Variants in DENND1A observed in about 807,000 individuals in gnomAD.
DENND1A encodes DENN domain-containing protein 1A.
DENND1A carries 51 observed loss-of-function variants against 113.7 expected under a neutral mutation model. The observed-to-expected ratio is 0.45, with a 90% CI of 0.36 to 0.57. The LOEUF (loss-of-function observed/expected upper bound fraction) is 0.57, where lower values mean the gene tolerates loss of function less well. Ranked by LOEUF, DENND1A falls within the 20% of genes least tolerant of loss-of-function variation. DENND1A has a pLI of 0.00. For synonymous variants in DENND1A, 565 were observed against 570.8 expected, an observed-to-expected ratio of 0.99 and a Z score of 0.14; for missense variants, 1,258 against 1,395.9, an observed-to-expected ratio of 0.90 and a Z score of 1.57.
intron 5 of DENND1A, among the ~76,000 whole-genome samples, chr9:123,729,172 A>G (rs888538157): frequency 6.6e-6 from 1 of 152,154 alleles, no homozygotes; most frequent in Non-Finnish European, 1.5e-5. Flanking sequence ...ATGGGCAAAA[A>G]CTGGAAGCAT....
intron 2 of DENND1A, among the ~76,000 whole-genome samples, chr9:123,850,526 G>A (rs1356618054): frequency 2.0e-5 from 3 of 152,094 alleles, no homozygotes; most frequent in African/African-American, 7.2e-5. Flanking sequence ...TCACTTTATT[G>A]TGGTCTGCAA....
At chr9:123,653,913 C>A (rs79235986) in intron 8 of DENND1A, among the ~76,000 whole-genome samples, 4 of 147,402 alleles carry the variant, frequency 2.7e-5, no homozygotes, top group East Asian at 2.0e-4. Flanking sequence ...AAAAAAAAAA[C>A]TGGAGGCTCA....
chr9:123,854,414 AG>A (rs2133191804), intron 2 of DENND1A, among the ~76,000 whole-genome samples: 1 of 152,288 alleles, frequency 6.6e-6, no homozygotes, highest in South Asian at 2.1e-4. Context: ...TAAAAAATGA[AG>A]CTGGGCACGG....
At position 123,917,102 on chromosome 9, in the gene DENND1A, C is replaced by T. The variant is rs574825540; in HGVS notation, c.17+12787G>A. Among the ~76,000 whole-genome samples, 11 of 152,038 alleles carry T rather than the reference C, an allele frequency of 7.2e-5. No homozygotes were observed. The South Asian group carries it at 1.9e-3, about 26-fold the overall frequency. ...AAGAGGCTGAAGCAGGAGAATCACT[C>T]GAACACAGGAGGCAGAAATTGCAGT... On this transcript the variant is annotated intron_variant, in intron 1 of 23. Transcript: ENST00000394215.
chr9:123,695,621 T>C (rs555365094), intron 5 of DENND1A, among the ~76,000 whole-genome samples: 2 of 152,276 alleles, frequency 1.3e-5, no homozygotes, highest in South Asian at 4.1e-4. Context: ...GCGATTCTGA[T>C]ACAATCTCTA....
chr9:123,490,144 G>A (rs2051245186), intron 13 of DENND1A, among the ~76,000 whole-genome samples: 1 of 152,194 alleles, frequency 6.6e-6, no homozygotes, highest in African/African-American at 2.4e-5. Flanking sequence ...CATGGTAGGT[G>A]TACAAGGTGC....
At chr9:123,403,347 C>T (rs749781063) in intron 21 of DENND1A, 55 bp downstream of exon 21, 183 of 1,587,882 alleles carry the variant, frequency 1.2e-4, no homozygotes, top group Non-Finnish European at 1.5e-4. Context: ...TCGCAAAGTG[C>T]TGGCTCCGCA....
chr9:123,695,209 C>CATAT (rs148320024), intron 5 of DENND1A, among the ~76,000 whole-genome samples: 2,452 of 149,146 alleles, frequency 0.016, 68 homozygotes, highest in African/African-American at 0.058. Flanking sequence ...AATAACTCTC[C>CATAT]ATATATATAT....
chr9:123,436,762 T>A (rs2046552094), intron 19 of DENND1A, among the ~76,000 whole-genome samples: 1 of 152,160 alleles, frequency 6.6e-6, no homozygotes, highest in South Asian at 2.1e-4. Flanking sequence ...TTTTTTTTTT[T>A]TTTGAGACAG....
chr9:123,880,647 A>T (rs1188568724), intron 1 of DENND1A, among the ~76,000 whole-genome samples: 2 of 152,200 alleles, frequency 1.3e-5, no homozygotes, highest in Admixed American at 6.5e-5. Flanking sequence ...TTTCATCGTC[A>T]TCATAATCCT....
intron 2 of DENND1A, among the ~76,000 whole-genome samples, chr9:123,841,458 A>C (rs1841819823): frequency 5.3e-5 from 8 of 152,216 alleles, no homozygotes; most frequent in Admixed American, 3.3e-4. Context: ...ATATTCACTA[A>C]ATCTTCTTAA....
intron 8 of DENND1A, among the ~76,000 whole-genome samples, chr9:123,659,673 C>T (rs946558882): frequency 6.6e-6 from 1 of 152,288 alleles, no homozygotes; most frequent in Middle Eastern, 3.4e-3. Context: ...AGATAAGGAC[C>T]TAGAGGCTCC....
chr9:123,831,875 CG>C (rs1840271969), intron 2 of DENND1A, among the ~76,000 whole-genome samples: 1 of 151,930 alleles, frequency 6.6e-6, no homozygotes, highest in Admixed American at 6.6e-5. Flanking sequence ...CCCAGCTACT[CG>C]GGAGGCTGAG....
intron 10 of DENND1A, among the ~76,000 whole-genome samples, chr9:123,618,936 A>G (rs554011608): frequency 1.3e-5 from 2 of 152,256 alleles, no homozygotes; most frequent in Non-Finnish European, 1.5e-5. Flanking sequence ...AGGCTAAAAA[A>G]GTTTTTTATT....
intron 4 of DENND1A, among the ~76,000 whole-genome samples, chr9:123,766,787 T>C (rs1391296012): frequency 6.6e-6 from 1 of 152,234 alleles, no homozygotes; most frequent in Non-Finnish European, 1.5e-5. Flanking sequence ...GAAAAGCTAC[T>C]GGCTTTATTA....
At chr9:123,437,673 C>T (rs2046626427) in intron 19 of DENND1A, 1 of 152,098 alleles carries the variant, frequency 6.6e-6, no homozygotes, top group South Asian at 2.1e-4. Flanking sequence ...CTGGTGTGGG[C>T]TCGAGAGGAG....
intron 5 of DENND1A, among the ~76,000 whole-genome samples, chr9:123,746,874 C>T (rs2069557463): frequency 6.6e-6 from 1 of 151,910 alleles, no homozygotes; most frequent in African/African-American, 2.4e-5. Flanking sequence ...TTTTCATATA[C>T]TAATAAAAAA....
chr9:123,399,365 C>CT (rs1021141323), intron 21 of DENND1A, among the ~76,000 whole-genome samples: 4 of 152,090 alleles, frequency 2.6e-5, no homozygotes, highest in African/African-American at 4.8e-5. Context: ...CTTTGACAAT[C>CT]TTTTTTATTT....
At chr9:123,862,769 C>A (rs1845228419) in intron 2 of DENND1A, among the ~76,000 whole-genome samples, 2 of 152,086 alleles carry the variant, frequency 1.3e-5, no homozygotes, top group African/African-American at 2.4e-5. Context: ...CACAGAAGTC[C>A]ACAAATAAGA....
Sources: gnomAD v4.1 joint callset for allele counts (sites outside exome capture counted in the v4.1 genomes callset) on GRCh38, gnomAD v4.1.1 for gene constraint, MANE v1.5 for transcripts, NCBI Gene and HGNC (gene_info 2026-07-23, HGNC 2026-07-21) for gene names.